The following TSPAN7 variants were observed in gnomAD, a reference collection of about 807,000 sequenced individuals.
TSPAN7 encodes the protein tetraspanin-7.
Under a neutral mutation model 17.6 loss-of-function variants are expected in TSPAN7, and 1 was observed. The ratio of observed to expected loss-of-function variants is 0.06; its 90% CI spans 0.02 to 0.27. The LOEUF is 0.27. Ranked by LOEUF, TSPAN7 falls within the 10% of genes least tolerant of loss-of-function variation. The pLI is 1.00. For missense variants in TSPAN7, 112 were observed against 201.7 expected, an observed-to-expected ratio of 0.56 and a Z score of 2.69; for synonymous variants, 78 against 79.0, an observed-to-expected ratio of 0.99 and a Z score of 0.07.
At chrX:38,592,365 G>T (rs1189612215) in intron 1 of TSPAN7, among the ~76,000 whole-genome samples, 1 of 111,477 alleles carries the variant, frequency 9.0e-6, no homozygotes. Flanking sequence ...CCTTTTAATT[G>T]GGATGTTTAG....
chrX:38,637,722 C>G (rs1242909587), intron 1 of TSPAN7, among the ~76,000 whole-genome samples: 1 of 112,648 alleles, frequency 8.9e-6, no homozygotes, highest in African/African-American at 3.2e-5. Flanking sequence ...GATGGCAGTG[C>G]TGTGCCACAC....
chrX:38,669,348 A>AT (rs1194856923), intron 2 of TSPAN7, among the ~76,000 whole-genome samples: 1 of 111,960 alleles, frequency 8.9e-6, no homozygotes, highest in Non-Finnish European at 1.9e-5. Context: ...TGTAGGTTAT[A>AT]TTTTCATATA....
intron 1 of TSPAN7, among the ~76,000 whole-genome samples, chrX:38,646,776 C>T (rs185877109): frequency 9.8e-4 from 110 of 112,046 alleles, no homozygotes; most frequent in Middle Eastern, 4.6e-3. Flanking sequence ...CCTTTAAGAA[C>T]GAGAATGTGC....
chrX:38,568,732 T>C (rs1463922897), intron 1 of TSPAN7, among the ~76,000 whole-genome samples: 3 of 111,266 alleles, frequency 2.7e-5, no homozygotes, highest in Non-Finnish European at 3.8e-5. Flanking sequence ...GTTTTTTGTT[T>C]TCTTTACCTT....
intron 1 of TSPAN7, among the ~76,000 whole-genome samples, chrX:38,639,490 G>T: frequency 9.9e-6 from 1 of 100,868 alleles, no homozygotes; most frequent in Middle Eastern, 4.9e-3. Context: ...CCAGCCATCA[G>T]AATCCATTCT....
intron 1 of TSPAN7, among the ~76,000 whole-genome samples, chrX:38,659,823 C>CTTTTTTTTTTT (rs748922281): frequency 6.5e-5 from 4 of 61,594 alleles, no homozygotes; most frequent in Non-Finnish European, 1.2e-4. Context: ...TTTTCTTTTT[C>CTTTTTTTTTTT]TTTTTTTTTT....
At chrX:38,674,404 C>T (rs2069840420) in intron 4 of TSPAN7, 88 bp downstream of exon 4, 1 of 807,787 alleles carries the variant, frequency 1.2e-6, no homozygotes, top group Admixed American at 2.6e-5. Context: ...CCAGTAGTTG[C>T]TATTTGTTCC....
chrX:38,575,959 T>A (rs1339562235), intron 1 of TSPAN7, among the ~76,000 whole-genome samples: 1 of 112,143 alleles, frequency 8.9e-6, no homozygotes, highest in Non-Finnish European at 1.9e-5. Context: ...AACCACACTT[T>A]GGGAATTATT....
At chrX:38,569,284 T>C (rs952601806) in intron 1 of TSPAN7, among the ~76,000 whole-genome samples, 8 of 111,108 alleles carry the variant, frequency 7.2e-5, no homozygotes, top group Admixed American at 1.9e-4. Context: ...AGAAGAATCT[T>C]CTAATTGCTC....
At chrX:38,653,994 T>C (rs1282091087) in intron 1 of TSPAN7, among the ~76,000 whole-genome samples, 1 of 111,902 alleles carries the variant, frequency 8.9e-6, no homozygotes, top group African/African-American at 3.3e-5. Context: ...TCAGGGTTGA[T>C]TCAAGGAAAA....
chrX:38,618,291 T>C (rs905378738), intron 1 of TSPAN7, among the ~76,000 whole-genome samples: 19 of 112,561 alleles, frequency 1.7e-4, no homozygotes, highest in African/African-American at 5.5e-4. Flanking sequence ...GCTGTTCCTC[T>C]CTGGATAGAA....
At chrX:38,657,723 G>T (rs190028939) in intron 1 of TSPAN7, among the ~76,000 whole-genome samples, 1 of 112,533 alleles carries the variant, frequency 8.9e-6, no homozygotes, top group Admixed American at 9.4e-5. Context: ...TAAGCTAGTG[G>T]TTGCAACTTA....
At chrX:38,680,423 A>G (rs1171319379) in intron 5 of TSPAN7, among the ~76,000 whole-genome samples, 1 of 110,826 alleles carries the variant, frequency 9.0e-6, no homozygotes, top group Non-Finnish European at 1.9e-5. Flanking sequence ...GACTTTATAC[A>G]TTTTAGTTGA....
intron 3 of TSPAN7, among the ~76,000 whole-genome samples, chrX:38,673,790 C>T (rs963188570): frequency 1.8e-5 from 2 of 111,120 alleles, no homozygotes; most frequent in Non-Finnish European, 3.8e-5. Context: ...CAGTTTTTGA[C>T]CAAAACATCA....
Position 38,646,222 on chromosome X carries a change from G to A in TSPAN7, c.82-19899G>A, listed in dbSNP as rs989778884. ...AAAAGTATAGATCCAATACCATAGAGCTTTTCTATAATATCTTTTGTATTA... is the reference window on the plus strand; with the variant it reads ...AAAAGTATAGATCCAATACCATAGAACTTTTCTATAATATCTTTTGTATTA... On this transcript the variant is annotated intron_variant, in intron 1 of 7. Coordinates refer to ENST00000378482, the MANE Select transcript of TSPAN7 (RefSeq NM_004615.4). The A allele has an allele frequency of 1.5e-5, 17 of 1,120,893 alleles. No homozygotes were observed. The East Asian group carries it at 5.6e-4, about 37-fold the overall frequency. 92.4% of individuals were successfully genotyped at this position (1,120,893 alleles called of 1,213,427 possible).
chrX:38,589,579 C>T (rs1297333698), intron 1 of TSPAN7, among the ~76,000 whole-genome samples: 1 of 111,823 alleles, frequency 8.9e-6, no homozygotes, highest in Non-Finnish European at 1.9e-5. Flanking sequence ...AAATGTGAAT[C>T]ACAACACACT....
intron 6 of TSPAN7, among the ~76,000 whole-genome samples, chrX:38,686,521 G>A (rs2069928280): frequency 8.9e-6 from 1 of 111,914 alleles, no homozygotes; most frequent in Admixed American, 9.5e-5. Flanking sequence ...CTGAGAATGT[G>A]CATTTCTAAA....
At position 38,675,735 on chromosome X, in the gene TSPAN7, A is replaced by C. The variant is rs1288379357; in HGVS notation, c.472A>C (p.Asn158His). 8.3e-7 allele frequency: 1 copy of C among 1,208,999 alleles called. No homozygotes were observed. Among genetic ancestry groups the C allele is most frequent in the East Asian group, 3.0e-5 (1 of 33,688 alleles). ...CTGCTGTGGTGTGCAGAACTACACC[A>C]ACTGGAGCACCAGCCCCTACTTCCT... is the stretch of plus-strand genomic sequence containing the variant. ...LSCCGVQNYT[N>H]WSTSPYFLEH... Residue 158 changes from asparagine to histidine, a missense_variant, in exon 5 of 8, where the codon AAC becomes CAC. Asn to His is a moderately conservative substitution (Grantham distance 68, BLOSUM62 1). Transcript: ENST00000378482.
rs571191340 is a variant in TSPAN7, at chrX:38,616,551, C to T, written c.82-49570C>T. On this transcript the variant is annotated intron_variant, in intron 1 of 7. Transcript: ENST00000378482. ...AAAGCCCCTTCCTCATCCCTCTTTT[C>T]CGCTTATTACTAAAGACAGAAACTT... Among the ~76,000 whole-genome samples, 5 of 111,979 alleles carry T rather than the reference C, an allele frequency of 4.5e-5. No homozygotes were observed. The South Asian group carries it at 1.5e-3, about 34-fold the overall frequency.
Sources: allele counts gnomAD v4.1 joint callset (sites outside exome capture counted in the v4.1 genomes callset), GRCh38; gene constraint gnomAD v4.1.1; transcripts MANE v1.5; gene names NCBI Gene and HGNC (gene_info 2026-07-23, HGNC 2026-07-21).